VTI1A: variants seen among roughly 807,000 people sequenced by gnomAD.
VTI1A encodes vesicle transport through interaction with t-SNAREs homolog 1A.
In VTI1A, 22 loss-of-function variants were observed where a neutral mutation model predicts 34.9. That is an observed-to-expected ratio of 0.63 (90% CI 0.45 to 0.90). The LOEUF (loss-of-function observed/expected upper bound fraction) is 0.90, where lower values mean the gene tolerates loss of function less well. Ranked by LOEUF, VTI1A falls within the 40% of genes least tolerant of loss-of-function variation. The pLI is 0.00. For synonymous variants in VTI1A, 87 were observed against 97.3 expected (o/e 0.89, Z 0.62); for missense variants, 268 against 275.6 (o/e 0.97, Z 0.20).
chr10:112,647,863 G>T (rs532934864), intron 5 of VTI1A, among the ~76,000 whole-genome samples: 1 of 152,166 alleles, frequency 6.6e-6, no homozygotes, highest in African/African-American at 2.4e-5. Flanking sequence ...TTCGCCTCCC[G>T]GGCTCAGGTG....
Position 112,447,270 on chromosome 10 carries a change from C to CG in VTI1A, c.-99dup. 1 of 1,273,762 alleles carries CG rather than the reference C, an allele frequency of 7.9e-7. No homozygotes were observed. The highest frequency in any genetic ancestry group is 2.6e-4 in the Middle Eastern group (1 of 3,846). The allele number at this position is 1,273,762 out of a possible 1,614,324, so 78.9% of individuals were successfully genotyped here. ...TGTCCCCGGTTCTCCGTTCTGCTCT[C>CG]GGGGGCACCTTCCGGGGTTCCTAAG... On this transcript the variant is annotated 5_prime_UTR_variant, in exon 1 of 8. Transcript: ENST00000393077.
chr10:112,789,063 A>G (rs1852382058), intron 7 of VTI1A, among the ~76,000 whole-genome samples: 3 of 152,160 alleles, frequency 2.0e-5, no homozygotes, highest in Admixed American at 2.0e-4. Context: ...GTTTTTAAAG[A>G]AATTAAGGGA....
intron 7 of VTI1A, among the ~76,000 whole-genome samples, chr10:112,765,214 GTTT>G (rs1308755332): frequency 6.6e-6 from 1 of 151,956 alleles, no homozygotes; most frequent in African/African-American, 2.4e-5. Flanking sequence ...GTTTTGTTTT[GTTT>G]TGTTTTTTTG....
At chr10:112,695,865 G>A (rs1848765645) in intron 7 of VTI1A, among the ~76,000 whole-genome samples, 1 of 152,158 alleles carries the variant, frequency 6.6e-6, no homozygotes, top group Non-Finnish European at 1.5e-5. Context: ...AGAAAGCAGA[G>A]GAGGTTAAAA....
At chr10:112,465,253 T>C (rs924483070) in intron 3 of VTI1A, among the ~76,000 whole-genome samples, 4 of 149,982 alleles carry the variant, frequency 2.7e-5, no homozygotes, top group African/African-American at 7.6e-5. Flanking sequence ...ATCTGCTTTA[T>C]AGCAAATTTA....
At chr10:112,618,693 TGCA>T (rs1845616027) in intron 5 of VTI1A, among the ~76,000 whole-genome samples, 2 of 151,700 alleles carry the variant, frequency 1.3e-5, no homozygotes, top group Non-Finnish European at 2.9e-5. Context: ...AGTTAGAACA[TGCA>T]TACCATAGAT....
intron 7 of VTI1A, among the ~76,000 whole-genome samples, chr10:112,690,882 A>G (rs984523878): frequency 6.6e-6 from 1 of 152,128 alleles, no homozygotes; most frequent in Non-Finnish European, 1.5e-5. Context: ...TCTTTTTAAA[A>G]CATAGGTCCT....
the VTI1A span, among the ~76,000 whole-genome samples, chr10:112,840,784 G>A: frequency 6.6e-5 from 10 of 152,186 alleles, no homozygotes; most frequent in African/African-American, 2.4e-4. Context: ...GAGGGGGTGG[G>A]ATTAGGGAGA....
intron 7 of VTI1A, among the ~76,000 whole-genome samples, chr10:112,729,156 G>A (rs1850155278): frequency 1.3e-5 from 2 of 152,078 alleles, no homozygotes; most frequent in Non-Finnish European, 2.9e-5. Flanking sequence ...ATGGAAATTG[G>A]CCACAGCACT....
intron 1 of VTI1A, 76 bp from the exon 2 acceptor site, chr10:112,460,448 A>T: frequency 1.6e-6 from 2 of 1,288,188 alleles, no homozygotes; most frequent in South Asian, 2.9e-5. Context: ...GGAAAAAGGC[A>T]TATAAAAATT....
chr10:112,821,740 G>T (rs1853659749), downstream of VTI1A, among the ~76,000 whole-genome samples: 1 of 152,230 alleles, frequency 6.6e-6, no homozygotes, highest in Non-Finnish European at 1.5e-5. Context: ...GAGGGATGGG[G>T]ACTGTTGCAA....
At chr10:112,546,468 C>G (rs747688361) in intron 5 of VTI1A, among the ~76,000 whole-genome samples, 1 of 151,924 alleles carries the variant, frequency 6.6e-6, no homozygotes, top group Non-Finnish European at 1.5e-5. Context: ...ATGGCTATGT[C>G]TGTTAATTTA....
chr10:112,645,500 G>T (rs1231661773), intron 5 of VTI1A, among the ~76,000 whole-genome samples: 1 of 152,196 alleles, frequency 6.6e-6, no homozygotes, highest in Non-Finnish European at 1.5e-5. Context: ...ATGCCCCAGG[G>T]CCATTCATTG....
chr10:112,629,279 C>G (rs1333078176), intron 5 of VTI1A, among the ~76,000 whole-genome samples: 1 of 150,678 alleles, frequency 6.6e-6, no homozygotes, highest in East Asian at 2.0e-4. Context: ...CCAGAAAGTT[C>G]TTCTATCCTA....
At chr10:112,718,332 T>TG (rs1283316221) in intron 7 of VTI1A, among the ~76,000 whole-genome samples, 1 of 151,810 alleles carries the variant, frequency 6.6e-6, no homozygotes, top group Non-Finnish European at 1.5e-5. Flanking sequence ...CTTCAGGGAG[T>TG]GAAAAAAGAG....
the VTI1A span, among the ~76,000 whole-genome samples, chr10:112,839,203 G>A: frequency 5.3e-5 from 8 of 152,240 alleles, no homozygotes; most frequent in East Asian, 5.8e-4. Context: ...AGCCCTGGCA[G>A]GGCCAGCCCC....
chr10:112,830,987 C>T, the VTI1A span, among the ~76,000 whole-genome samples: 1 of 150,538 alleles, frequency 6.6e-6, no homozygotes, highest in Non-Finnish European at 1.5e-5. Flanking sequence ...GAAGCTGAGA[C>T]CACCGGCACG....
the VTI1A span, among the ~76,000 whole-genome samples, chr10:112,830,849 A>ATATATATATTTATATT: frequency 3.0e-5 from 1 of 33,512 alleles, no homozygotes; most frequent in African/African-American, 1.4e-4. Flanking sequence ...ATATATATAT[A>ATATATATATTTATATT]TTTTTTTTTT....
intron 5 of VTI1A, among the ~76,000 whole-genome samples, chr10:112,564,444 TA>T (rs11352489): frequency 0.018 from 2,542 of 143,636 alleles, 63 homozygotes; most frequent in African/African-American, 0.056. Context: ...AGTACTTCTT[TA>T]AAAAAAAAAA....
Sources: gnomAD v4.1 joint callset for allele counts (sites outside exome capture counted in the v4.1 genomes callset) on GRCh38, gnomAD v4.1.1 for gene constraint, MANE v1.5 for transcripts, NCBI Gene and HGNC (gene_info 2026-07-23, HGNC 2026-07-21) for gene names.